Variants in PTPRT observed in about 807,000 individuals in gnomAD.
PTPRT encodes the protein protein tyrosine phosphatase receptor type T.
PTPRT carries 56 observed loss-of-function variants against 176.8 expected under a neutral mutation model. The ratio of observed to expected loss-of-function variants is 0.32; its 90% confidence interval spans 0.26 to 0.40. The LOEUF (loss-of-function observed/expected upper bound fraction) is 0.40, where lower values mean the gene tolerates loss of function less well. PTPRT is among the 10% of genes least tolerant of loss of function. PTPRT has a pLI of 1.00. For missense variants in PTPRT, 1,540 were observed against 1,908.2 expected, an observed-to-expected ratio of 0.81 and a Z score of 3.60; for synonymous variants, 783 against 739.0, an observed-to-expected ratio of 1.06 and a Z score of -0.96.
At chr20:42,154,791 ATCTC>A (rs1784746617) in intron 17 of PTPRT, among the ~76,000 whole-genome samples, 1 of 152,062 alleles carries the variant, frequency 6.6e-6, no homozygotes, top group Non-Finnish European at 1.5e-5. Context: ...TCCAGCCCAC[ATCTC>A]TTATATTTTG....
intron 7 of PTPRT, among the ~76,000 whole-genome samples, chr20:42,572,020 A>T (rs141536686): frequency 1.6e-4 from 25 of 152,280 alleles, no homozygotes; most frequent in African/African-American, 5.8e-4. Flanking sequence ...AGCAACAGAA[A>T]TTCATTGCTC....
intron 17 of PTPRT, among the ~76,000 whole-genome samples, chr20:42,142,636 T>C (rs1340200157): frequency 2.6e-5 from 4 of 152,222 alleles, no homozygotes; most frequent in Non-Finnish European, 5.9e-5. Flanking sequence ...CCGAACCCTA[T>C]ACATACTATG....
chr20:42,375,690 C>T (rs544766918), intron 9 of PTPRT, among the ~76,000 whole-genome samples: 6 of 151,828 alleles, frequency 4.0e-5, no homozygotes, highest in African/African-American at 1.5e-4. Context: ...CCAAGTAAAC[C>T]GATAAATAAA....
chr20:42,726,732 A>G (rs1419720358), intron 6 of PTPRT, among the ~76,000 whole-genome samples: 1 of 152,192 alleles, frequency 6.6e-6, no homozygotes, highest in Non-Finnish European at 1.5e-5. Flanking sequence ...GGGCTCTTCC[A>G]TCTCTCTTGT....
At chr20:42,276,530 TATATATATATATATA>T (rs2057036933) in intron 13 of PTPRT, among the ~76,000 whole-genome samples, 6 of 46,864 alleles carry the variant, frequency 1.3e-4, no homozygotes, top group African/African-American at 4.3e-4. Context: ...TATATATATA[TATATATATATATATA>T]TATATATATA....
At chr20:43,166,568 G>T (rs1237240228) in intron 1 of PTPRT, among the ~76,000 whole-genome samples, 1 of 152,120 alleles carries the variant, frequency 6.6e-6, no homozygotes, top group Admixed American at 6.5e-5. Flanking sequence ...GTAACCAATT[G>T]AAGTTAAATA....
intron 1 of PTPRT, among the ~76,000 whole-genome samples, chr20:43,118,754 T>C (rs6030660): frequency 0.24 from 36,813 of 152,124 alleles, 4,634 homozygotes; most frequent in Non-Finnish European, 0.26. Flanking sequence ...TCCCATTTTA[T>C]AAACGAAGAT....
In PTPRT at chr20:42,700,438, A is replaced by C. The variant is rs577297428; in HGVS notation, c.860-22279T>G. 5.3e-5 allele frequency among the ~76,000 whole-genome samples: 8 copies of C among 152,134 alleles called. No individual in the cohort carries two copies. In the South Asian group the frequency reaches 1.2e-3, roughly 24 times the overall value. On this transcript the variant is annotated intron_variant, in intron 6 of 30. Transcript: ENST00000373187. ...AACAGACGCAGAGCGCCTCGACTAC[A>C]CCGCGGATATTTTCTCAGTTTAAAA...
At chr20:42,816,855 C>A (rs1043223307) in intron 2 of PTPRT, among the ~76,000 whole-genome samples, 4 of 152,144 alleles carry the variant, frequency 2.6e-5, no homozygotes, top group African/African-American at 9.7e-5. Flanking sequence ...ACTAACCAAT[C>A]ATGAAAGGCA....
chr20:42,163,307 C>A lies in PTPRT; in HGVS notation c.2492-1765G>T, dbSNP rs951237467. Among the ~76,000 whole-genome samples, 8 of 152,134 alleles carry A rather than the reference C, an allele frequency of 5.3e-5. 1 individual carries two copies. Among genetic ancestry groups the A allele is most frequent in the Admixed American group, 5.2e-4 (8 of 15,278 alleles). On this transcript the variant is annotated intron_variant, in intron 16 of 30. Coordinates refer to ENST00000373187, the MANE Select transcript of PTPRT (RefSeq NM_007050.6). Reference sequence around the variant, plus strand: ...TGTCCTTTGGGGACCAGCCAAATAACCCCTGGACTGCTTACAGAAAGATTT... The same window carrying A: ...TGTCCTTTGGGGACCAGCCAAATAAACCCTGGACTGCTTACAGAAAGATTT...
chr20:42,965,154 A>G lies in PTPRT; in HGVS notation c.89-79222T>C, dbSNP rs142730834. Reference sequence around the variant, plus strand: ...GCCAGGGAAGAAGACATCCTATTCCATAAACACACACAAACCCAAAATGCT... The same window carrying G: ...GCCAGGGAAGAAGACATCCTATTCCGTAAACACACACAAACCCAAAATGCT... On this transcript the variant is annotated intron_variant, in intron 1 of 30. Coordinates refer to ENST00000373187, the MANE Select transcript of PTPRT (RefSeq NM_007050.6). Among the ~76,000 whole-genome samples the G allele has an allele frequency of 2.4e-3, 369 of 152,336 alleles. 4 individuals are homozygous for G. Among genetic ancestry groups the G allele is most frequent in the African/African-American group, 8.3e-3 (347 of 41,588 alleles).
intron 7 of PTPRT, among the ~76,000 whole-genome samples, chr20:42,611,711 T>C (rs1352543643): frequency 1.3e-5 from 2 of 152,216 alleles, no homozygotes; most frequent in Non-Finnish European, 2.9e-5. Flanking sequence ...AGCCTTGAGA[T>C]GGAACCATCC....
At chr20:42,447,005 C>T (rs138992778) in intron 9 of PTPRT, among the ~76,000 whole-genome samples, 2 of 152,282 alleles carry the variant, frequency 1.3e-5, no homozygotes, top group Admixed American at 6.5e-5. Flanking sequence ...AATCTTCTCC[C>T]TCAGAGAGTT....
At chr20:42,464,770 T>G (rs1423914090) in intron 8 of PTPRT, among the ~76,000 whole-genome samples, 2 of 152,118 alleles carry the variant, frequency 1.3e-5, no homozygotes, top group African/African-American at 4.8e-5. Flanking sequence ...TGTTATTGCT[T>G]TTTCTGCTTT....
chr20:43,036,889 C>T (rs1487716468), intron 1 of PTPRT, among the ~76,000 whole-genome samples: 1 of 151,982 alleles, frequency 6.6e-6, no homozygotes, highest in Non-Finnish European at 1.5e-5. Flanking sequence ...TTAAAAAATA[C>T]AGAAATGCAG....
intron 7 of PTPRT, among the ~76,000 whole-genome samples, chr20:42,498,082 T>C (rs187526708): frequency 1.6e-4 from 24 of 152,266 alleles, no homozygotes; most frequent in African/African-American, 5.1e-4. Context: ...TTTTTCAAGG[T>C]TTACACTATT....
At position 42,713,847 on chromosome 20, in the gene PTPRT, G is replaced by A. The variant is rs143427726; in HGVS notation, c.860-35688C>T. 3.9e-3 allele frequency among the ~76,000 whole-genome samples: 591 copies of A among 152,152 alleles called. 4 individuals are homozygous for A. Among genetic ancestry groups the A allele is most frequent in the African/African-American group, 0.013 (523 of 41,500 alleles). ...CTCCCCCTCTCTCTTCCTCCAGTTC[G>A]GGCCATGTGACATGCCTGCTTCCCC... On this transcript the variant is annotated intron_variant, in intron 6 of 30. Transcript: ENST00000373187.
intron 1 of PTPRT, among the ~76,000 whole-genome samples, chr20:43,030,194 G>A (rs547798091): frequency 3.3e-5 from 5 of 152,160 alleles, no homozygotes; most frequent in Non-Finnish European, 5.9e-5. Flanking sequence ...ATTGGGCAGG[G>A]AATGCAAATA....
chr20:42,192,200 C>T (rs891576758), intron 16 of PTPRT, among the ~76,000 whole-genome samples: 2 of 152,104 alleles, frequency 1.3e-5, no homozygotes, highest in African/African-American at 4.8e-5. Context: ...AGAGTTTTTG[C>T]CAGAGAAGAT....
Sources: allele counts gnomAD v4.1 joint callset (sites outside exome capture counted in the v4.1 genomes callset), GRCh38; gene constraint gnomAD v4.1.1; transcripts MANE v1.5; gene names NCBI Gene and HGNC (gene_info 2026-07-23, HGNC 2026-07-21).